Variants in CFAP69 observed in about 807,000 individuals in gnomAD.
CFAP69 encodes cilia and flagella associated protein 69, also known as cilia- and flagella-associated protein 69.
In CFAP69, 92 loss-of-function variants were observed where a neutral mutation model predicts 123.0. The ratio of observed to expected loss-of-function variants is 0.75; its 90% CI spans 0.63 to 0.89. The LOEUF is 0.89. Among genes scored for constraint, CFAP69 ranks in the 40% least tolerant of loss-of-function variants. CFAP69 has a pLI of 0.00. For synonymous variants in CFAP69, 380 were observed against 364.3 expected, an observed-to-expected ratio of 1.04 and a Z score of -0.49; for missense variants, 1,067 against 1,096.9, an observed-to-expected ratio of 0.97 and a Z score of 0.39.
intron 15 of CFAP69, among the ~76,000 whole-genome samples, chr7:90,291,386 A>G (rs965285885): frequency 1.3e-5 from 2 of 152,074 alleles, no homozygotes; most frequent in African/African-American, 2.4e-5. Flanking sequence ...TTGTGTCAGC[A>G]TATTGGTTTT....
intron 4 of CFAP69, 92 bp downstream of exon 4, chr7:90,262,148 G>A (rs1010938939): frequency 1.7e-5 from 13 of 770,544 alleles, no homozygotes; most frequent in Middle Eastern, 5.3e-4. Flanking sequence ...TTATAGTGTA[G>A]CAGATTGCTA....
intron 1 of CFAP69, 76 bp from the exon 2 acceptor site, chr7:90,255,347 A>T: frequency 8.6e-7 from 1 of 1,158,784 alleles, no homozygotes; most frequent in Non-Finnish European, 1.3e-6. Flanking sequence ...GGAAAGTATC[A>T]TATAAATTAG....
rs758127571 is a variant in CFAP69, at chr7:90,310,115, A to G, written c.2703A>G (p.Leu901=). Residue 901 remains leucine (L), a synonymous_variant, in exon 23 of 23, where the codon TTA becomes TTG. Coordinates refer to ENST00000389297, the MANE Select transcript of CFAP69 (RefSeq NM_001039706.3). ...VVTVESTPAR[L]VGGPLVDTDI... Reference sequence around the variant, plus strand: ...CAGTGGAAAGCACTCCTGCCCGATTAGTAGGAGGACCTCTGGTTGATACGG... The same window carrying G: ...CAGTGGAAAGCACTCCTGCCCGATTGGTAGGAGGACCTCTGGTTGATACGG... The G allele has an allele frequency of 6.2e-7, 1 of 1,613,916 alleles. No homozygotes were observed. The highest frequency in any genetic ancestry group is 1.1e-5 in the South Asian group (1 of 91,062).
intron 1 of CFAP69, 112 bp downstream of exon 1, chr7:90,245,656 G>C: frequency 7.6e-7 from 1 of 1,318,882 alleles, no homozygotes; most frequent in Non-Finnish European, 1.0e-6. Context: ...AGTGAAGATG[G>C]GGGAAGCCGC....
rs988896680 is a variant in CFAP69 at position 90,299,786 on chromosome 7, G to T, written c.1858-81G>T. The stretch of plus-strand genomic sequence containing the variant: ...TAGAAGAAACTTAATGATAATAGAA[G>T]TGTTTCTCTCTTTTTTTTTTGAAGA... On this transcript the variant is annotated intron_variant, in intron 16 of 22. Transcript: ENST00000389297. The T allele has an allele frequency of 3.6e-6, 4 of 1,125,182 alleles. No homozygotes were observed. In the African/African-American group the frequency reaches 6.8e-5, roughly 19 times the overall value. The allele number at this position is 1,125,182 out of a possible 1,614,324, so 69.7% of individuals were successfully genotyped here. A position where few individuals can be genotyped will look rare whatever the true frequency, so the allele number is the denominator to read the frequency against.
chr7:90,279,715 C>G lies in CFAP69; in HGVS notation c.1194C>G (p.Thr398=). 1.2e-6 allele frequency: 2 copies of G among 1,607,570 alleles called. No homozygotes were observed. Among genetic ancestry groups the G allele is most frequent in the Non-Finnish European group, 1.7e-6 (2 of 1,177,616 alleles). ...GCAAAGTTATTTTGGCTTTGTTTACCTATGTTAAGAAGCCTGAGAAGCAAA... is the reference window on the plus strand; with the variant it reads ...GCAAAGTTATTTTGGCTTTGTTTACGTATGTTAAGAAGCCTGAGAAGCAAA... The part of the protein sequence containing the change: ...IDGKVILALF[T]YVKKPEKQKI... Residue 398 remains threonine, a synonymous_variant, in exon 12 of 23, where the codon ACC becomes ACG. Transcript: ENST00000389297.
rs546225791 is a variant in CFAP69 at position 90,256,519 on chromosome 7, A to C, written c.180+1037A>C. On this transcript the variant is annotated intron_variant, in intron 2 of 22. Transcript: ENST00000389297. Reference sequence around the variant, plus strand: ...TCTGCATGTGTATCCCAGAACTTAAAGTATAAAAAAAAAAAAAAAATTTTT... The same window carrying C: ...TCTGCATGTGTATCCCAGAACTTAACGTATAAAAAAAAAAAAAAAATTTTT... Among the ~76,000 whole-genome samples the C allele has an allele frequency of 2.0e-5, 3 of 151,524 alleles. No homozygotes were observed. The East Asian group carries it at 5.9e-4, about 30-fold the overall frequency.
rs773646517 is a variant in CFAP69, at chr7:90,310,082, A to G, written c.2670A>G (p.Gly890=). The G allele has an allele frequency of 1.2e-6, 2 of 1,609,706 alleles. No homozygotes were observed. Among genetic ancestry groups the G allele is most frequent in the Non-Finnish European group, 8.5e-7 (1 of 1,177,450 alleles). Residue 890 remains glycine, a synonymous_variant, in exon 23 of 23, where the codon GGA becomes GGG. Transcript: ENST00000389297. ...KGLNTTVPSG[G]VVTVESTPAR... Reference sequence around the variant, plus strand: ...TGCCTTTTTAGGTGCCCTCTGGTGGAGTAGTAACAGTGGAAAGCACTCCTG... The same window carrying G: ...TGCCTTTTTAGGTGCCCTCTGGTGGGGTAGTAACAGTGGAAAGCACTCCTG...
At position 90,271,589 on chromosome 7, in the gene CFAP69, C is replaced by A. The variant is rs1236588766; in HGVS notation, c.596C>A (p.Thr199Lys). The change falls in exon 7 of 23, where the codon ACA becomes AAA. Residue 199 changes from threonine to lysine, a missense_variant. Physicochemically the swap from Thr to Lys is moderately conservative, Grantham distance 78. Transcript: ENST00000389297. ...QMAEVGGLAK[T>K]MVQSMTLLEN... ...GCTGAAGTTGGAGGATTAGCAAAAA[C>A]AATGGTCCAGTCAATGACCTTGCTT... The A allele has an allele frequency of 6.2e-7, 1 of 1,613,356 alleles. No individual in the cohort carries two copies.
chr7:90,286,817 G>T (rs1259723290), intron 14 of CFAP69, among the ~76,000 whole-genome samples: 1 of 152,014 alleles, frequency 6.6e-6, no homozygotes, highest in African/African-American at 2.4e-5. Flanking sequence ...GCCGGGCATG[G>T]TGGCTCAGGC....
chr7:90,315,384 A>C (rs1794707457), downstream of CFAP69, among the ~76,000 whole-genome samples: 1 of 152,254 alleles, frequency 6.6e-6, no homozygotes. Context: ...CTGGATAAAG[A>C]AAATGTGGTC....
intron 4 of CFAP69, among the ~76,000 whole-genome samples, chr7:90,264,107 ATAT>A (rs1798772905): frequency 0.011 from 667 of 61,698 alleles, 25 homozygotes; most frequent in East Asian, 0.031. Context: ...AAAAAAAAAT[ATAT>A]ATATATATAT....
chr7:90,253,007 GA>G (rs1252448496), intron 1 of CFAP69, among the ~76,000 whole-genome samples: 1 of 152,036 alleles, frequency 6.6e-6, no homozygotes, highest in Non-Finnish European at 1.5e-5. Flanking sequence ...TGCATGTAAG[GA>G]AAAACAAAAT....
At chr7:90,291,779 A>G (rs1337352139) in intron 15 of CFAP69, among the ~76,000 whole-genome samples, 1 of 152,176 alleles carries the variant, frequency 6.6e-6, no homozygotes, top group Non-Finnish European at 1.5e-5. Context: ...AGGGTCATTC[A>G]TAACTCTTGA....
At chr7:90,278,151 C>T (rs1788880216) in intron 11 of CFAP69, among the ~76,000 whole-genome samples, 1 of 152,088 alleles carries the variant, frequency 6.6e-6, no homozygotes, top group African/African-American at 2.4e-5. Flanking sequence ...AACTTCACTA[C>T]CAATAATAGA....
chr7:90,316,318 A>G, the CFAP69 span, among the ~76,000 whole-genome samples: 2 of 152,200 alleles, frequency 1.3e-5, no homozygotes, highest in Admixed American at 6.5e-5. Context: ...AATCTTTACC[A>G]TGGTACCACT....
chr7:90,259,432 C>G (rs779003858), intron 3 of CFAP69, among the ~76,000 whole-genome samples: 8 of 152,056 alleles, frequency 5.3e-5, no homozygotes, highest in Non-Finnish European at 1.0e-4. Flanking sequence ...CAAACACTAC[C>G]TTTGGATAAG....
chr7:90,291,028 G>A (rs778032924), intron 15 of CFAP69, among the ~76,000 whole-genome samples: 1 of 151,960 alleles, frequency 6.6e-6, no homozygotes, highest in Non-Finnish European at 1.5e-5. Flanking sequence ...AACCAAAGTA[G>A]GCACTTTAGC....
At chr7:90,301,621 G>C (rs1289420092) in intron 17 of CFAP69, 1 of 152,042 alleles carries the variant, frequency 6.6e-6, no homozygotes, top group East Asian at 1.9e-4. Flanking sequence ...AAGGATAATG[G>C]CCTCCACCTC....
Sources: gnomAD v4.1 joint callset for allele counts (sites outside exome capture counted in the v4.1 genomes callset) on GRCh38, gnomAD v4.1.1 for gene constraint, MANE v1.5 for transcripts, NCBI Gene and HGNC (gene_info 2026-07-23, HGNC 2026-07-21) for gene names.